Variants in ANKFY1 observed in about 807,000 individuals in gnomAD.
ANKFY1 encodes ankyrin repeat and FYVE domain-containing protein 1.
A neutral mutation model predicts 128.3 loss-of-function variants in ANKFY1; 47 were observed. That is an observed-to-expected ratio of 0.37 (90% confidence interval 0.29 to 0.47). The LOEUF is 0.47. Ranked by LOEUF, ANKFY1 falls within the 20% of genes least tolerant of loss-of-function variation. ANKFY1 has a pLI of 1.00. For missense variants in ANKFY1, 1,222 were observed against 1,510.6 expected (o/e 0.81, Z 3.17); for synonymous variants, 553 against 601.6 (o/e 0.92, Z 1.18).
chr17:4,206,520 G>A (rs753136996), intron 6 of ANKFY1, 34 bp from the exon 7 acceptor site: 1 of 1,594,104 alleles, frequency 6.3e-7, no homozygotes. Flanking sequence ...AGCGCCCAGT[G>A]AGTAGAGAAT....
chr17:4,251,851 A>G (rs548907385), intron 1 of ANKFY1, among the ~76,000 whole-genome samples: 2 of 152,240 alleles, frequency 1.3e-5, no homozygotes, highest in South Asian at 4.1e-4. Context: ...CCTGGCCAAC[A>G]TGGCAAAACC....
chr17:4,213,140 TTC>T (rs2060164080), intron 4 of ANKFY1, among the ~76,000 whole-genome samples: 1 of 152,138 alleles, frequency 6.6e-6, no homozygotes, highest in Non-Finnish European at 1.5e-5. Context: ...TTGGAGTCAT[TTC>T]TCTGTTTAGC....
intron 3 of ANKFY1, among the ~76,000 whole-genome samples, chr17:4,217,593 C>T (rs1341870449): frequency 6.6e-6 from 1 of 152,144 alleles, no homozygotes. Context: ...ACTAAACTTT[C>T]GCAGTGGGCA....
intron 8 of ANKFY1, among the ~76,000 whole-genome samples, chr17:4,197,029 G>A (rs773373499): frequency 1.3e-5 from 2 of 152,194 alleles, no homozygotes; most frequent in Non-Finnish European, 2.9e-5. Context: ...TGAGGTGAGA[G>A]GATCACCTGT....
chr17:4,244,787 A>T (rs990972543), intron 1 of ANKFY1, among the ~76,000 whole-genome samples: 1 of 151,898 alleles, frequency 6.6e-6, no homozygotes, highest in Admixed American at 6.6e-5. Context: ...GATCCTCAGG[A>T]CCTTTCTTTA....
At chr17:4,256,482 G>A (rs890548620) in intron 1 of ANKFY1, among the ~76,000 whole-genome samples, 10 of 152,100 alleles carry the variant, frequency 6.6e-5, no homozygotes, top group Non-Finnish European at 1.5e-4. Context: ...TCCAGGTTGA[G>A]AACTATGTAC....
chr17:4,226,893 C>G (rs1020198565), intron 3 of ANKFY1, among the ~76,000 whole-genome samples: 1 of 151,638 alleles, frequency 6.6e-6, no homozygotes, highest in South Asian at 2.1e-4. Context: ...TCACCAATAC[C>G]CAAGAATGAA....
intron 1 of ANKFY1, among the ~76,000 whole-genome samples, chr17:4,260,345 G>C (rs1020338012): frequency 6.6e-6 from 1 of 152,044 alleles, no homozygotes; most frequent in Non-Finnish European, 1.5e-5. Context: ...GGCTGGGAGC[G>C]GTGGCTCACA....
chr17:4,176,971 C>G (rs1264683205), intron 19 of ANKFY1, among the ~76,000 whole-genome samples, 155 bp downstream of exon 19: 1 of 152,240 alleles, frequency 6.6e-6, no homozygotes, highest in Non-Finnish European at 1.5e-5. Flanking sequence ...ACGTGCAGCC[C>G]TTGACACCAG....
chr17:4,220,254 A>G (rs533188238), intron 3 of ANKFY1, among the ~76,000 whole-genome samples: 1 of 152,358 alleles, frequency 6.6e-6, no homozygotes, highest in South Asian at 2.1e-4. Flanking sequence ...AGATCTTGGA[A>G]GTAGGCCAAA....
chr17:4,164,284 CAA>C lies in ANKFY1; in HGVS notation c.*3493_*3494del, dbSNP rs1369557371. The C allele has an allele frequency of 6.6e-6, 1 of 152,584 alleles. No individual in the cohort carries two copies. The highest frequency in any genetic ancestry group is 1.5e-5 in the Non-Finnish European group (1 of 68,010). The allele number at this position is 152,584 out of a possible 1,614,324, so 9.5% of individuals were successfully genotyped here. Reference sequence around the variant, plus strand: ...AGGTTAATATATTATTTATGCCACACAAAAAAGGAATAGTACAGGCAATGATC... The same window carrying C: ...AGGTTAATATATTATTTATGCCACACAAAAGGAATAGTACAGGCAATGATC... On this transcript the variant is annotated 3_prime_UTR_variant, in exon 25 of 25. Coordinates refer to ENST00000341657, the MANE Select transcript of ANKFY1 (RefSeq NM_001330063.2).
chr17:4,173,921 TCTCATCC>T lies in ANKFY1; in HGVS notation c.2904_2910del (p.Asp969MetfsTer22). 6.2e-7 allele frequency: 1 copy of T among 1,613,282 alleles called. No homozygotes were observed. The highest frequency in any genetic ancestry group is 8.5e-7 in the Non-Finnish European group (1 of 1,179,382). On this transcript the variant is annotated frameshift_variant, in exon 20 of 25. Coordinates refer to ENST00000341657, the MANE Select transcript of ANKFY1 (RefSeq NM_001330063.2). LOFTEE classifies it high-confidence loss of function. ...GACTGGGAGTTACCATTGTTTCCAT[TCTCATCC>T]ACGGCAGCAAAGTCCACGCCATTCT...
Position 4,210,708 on chromosome 17 carries a change from CAAAA to C in ANKFY1, c.459-765_459-762del, listed in dbSNP as rs371731375. Among the ~76,000 whole-genome samples, 8 of 42,454 alleles carry C rather than the reference CAAAA, an allele frequency of 1.9e-4. No individual in the cohort carries two copies. The East Asian group carries it at 4.1e-3, about 22-fold the overall frequency. 27.9% of individuals were successfully genotyped at this position (42,454 alleles called of 152,430 possible). ...GGGCGACAAAGGCAAAACTCTGTCG[CAAAA>C]AAAAAAAAAAAAAAAAAAAAGCTCT... On this transcript the variant is annotated intron_variant, in intron 4 of 24. Coordinates refer to ENST00000341657, the MANE Select transcript of ANKFY1 (RefSeq NM_001330063.2).
chr17:4,263,470 C>T, intron 1 of ANKFY1: 2 of 848,080 alleles, frequency 2.4e-6, no homozygotes, highest in Admixed American at 2.5e-5. Flanking sequence ...TCGCCCCCAC[C>T]CCACCCCACC....
At chr17:4,237,145 A>G (rs1199568939) in intron 2 of ANKFY1, among the ~76,000 whole-genome samples, 2 of 152,166 alleles carry the variant, frequency 1.3e-5, no homozygotes, top group South Asian at 2.1e-4. Context: ...CAAAAAAAAA[A>G]GAGGAAACCC....
chr17:4,178,965 C>A lies in ANKFY1; in HGVS notation c.2490G>T (p.Leu830Phe), dbSNP rs1467485689. The change falls in exon 18 of 25, where the codon TTG becomes TTT. Residue 830 changes from leucine to phenylalanine, a missense_variant. Leu to Phe is a conservative substitution (Grantham distance 22, BLOSUM62 0). Coordinates refer to ENST00000341657, the MANE Select transcript of ANKFY1 (RefSeq NM_001330063.2). This position sits in a 1 kb window ranked among gnomAD's most constrained non-coding sequence, Gnocchi z 4.1. ...TCAGCCCTTGTCTGTCTCGTACATT[C>A]AAATGGATATCGGGGTGAGAAACCA... ...QLLVSHPDIH[L>F]NVRDRQGLTP... 6.2e-7 allele frequency: 1 copy of A among 1,614,050 alleles called. No homozygotes were observed. The highest frequency in any genetic ancestry group is 1.3e-5 in the African/African-American group (1 of 74,916).
chr17:4,207,056 A>C (rs2060038189), intron 6 of ANKFY1, among the ~76,000 whole-genome samples: 1 of 152,182 alleles, frequency 6.6e-6, no homozygotes, highest in Admixed American at 6.5e-5. Flanking sequence ...TGAGGATGTG[A>C]TTAAGGACCT....
chr17:4,260,713 G>A (rs1448867161), intron 1 of ANKFY1, among the ~76,000 whole-genome samples: 1 of 151,278 alleles, frequency 6.6e-6, no homozygotes, highest in Non-Finnish European at 1.5e-5. Flanking sequence ...ACTAATTTTA[G>A]GACAGACTTT....
Position 4,181,243 on chromosome 17 carries a change from G to T in ANKFY1, c.2240+11C>A, listed in dbSNP as rs1598023356. On this transcript the variant is annotated intron_variant, in intron 16 of 24. Coordinates refer to ENST00000341657, the MANE Select transcript of ANKFY1 (RefSeq NM_001330063.2). This position sits in a 1 kb window ranked among gnomAD's most constrained non-coding sequence, Gnocchi z 4.9. ...TAAAAAGCTGTGGAGAGATACTGGG[G>T]ACTCTCAGACCTGCGAATAAGAAAG... The T allele has an allele frequency of 1.2e-6, 2 of 1,604,496 alleles. No homozygotes were observed. Among genetic ancestry groups the T allele is most frequent in the East Asian group, 4.5e-5 (2 of 44,826 alleles).
Sources: gnomAD v4.1 joint callset for allele counts (sites outside exome capture counted in the v4.1 genomes callset) on GRCh38, gnomAD v4.1.1 for gene constraint, Gnocchi (gnomAD v3.1) non-coding constraint, MANE v1.5 for transcripts, NCBI Gene and HGNC (gene_info 2026-07-23, HGNC 2026-07-21) for gene names.